MTMR6: variants seen among roughly 807,000 people sequenced by gnomAD.
MTMR6 encodes myotubularin related protein 6, also known as phosphatidylinositol-3,5-bisphosphate 3-phosphatase MTMR6.
MTMR6 carries 47 observed loss-of-function variants against 80.1 expected under a neutral mutation model. That is an observed-to-expected ratio of 0.59 (90% confidence interval 0.46 to 0.75). MTMR6 has a LOEUF of 0.75. Among genes scored for constraint, MTMR6 ranks in the 30% least tolerant of loss-of-function variants. The pLI, the probability that MTMR6 is intolerant of heterozygous loss-of-function variation, is 0.00. For synonymous variants in MTMR6, 254 were observed against 253.0 expected (o/e 1.00, Z -0.04); for missense variants, 629 against 730.9 (o/e 0.86, Z 1.61).
rs1956977863 is a variant in MTMR6 at position 25,246,296 on chromosome 13, A to G, written c.*2936T>C. The G allele has an allele frequency of 6.6e-6, 1 of 152,662 alleles. No individual in the cohort carries two copies. The highest frequency in any genetic ancestry group is 2.4e-5 in the African/African-American group (1 of 41,466). 9.5% of individuals were successfully genotyped at this position (152,662 alleles called of 1,614,324 possible). ...ATTTTCTTATATCAAGTACAATGGT[A>G]TATATACTTTTTTTTGAGATAATTA... On this transcript the variant is annotated 3_prime_UTR_variant, in exon 14 of 14. Transcript: ENST00000381801.
intron 2 of MTMR6, among the ~76,000 whole-genome samples, chr13:25,270,202 G>A (rs1208211635): frequency 6.6e-6 from 1 of 152,108 alleles, no homozygotes; most frequent in Non-Finnish European, 1.5e-5. Flanking sequence ...AAACCCAAAA[G>A]TATTTGCAGG....
At chr13:25,285,843 T>G (rs1247578684) in intron 1 of MTMR6, among the ~76,000 whole-genome samples, 2 of 152,088 alleles carry the variant, frequency 1.3e-5, no homozygotes, top group Admixed American at 1.3e-4. Context: ...CTTTTACCGG[T>G]TTTCGATTGT....
intron 1 of MTMR6, among the ~76,000 whole-genome samples, chr13:25,276,117 T>G (rs1957721602): frequency 2.0e-5 from 3 of 152,324 alleles, no homozygotes; most frequent in African/African-American, 7.2e-5. Context: ...TGTGCGTGAC[T>G]TGGCTGGAAA....
intron 7 of MTMR6, among the ~76,000 whole-genome samples, chr13:25,258,068 T>C (rs1957254335): frequency 6.6e-6 from 1 of 152,228 alleles, no homozygotes; most frequent in Admixed American, 6.5e-5. Context: ...AAAAACATTG[T>C]AGCACAAGCA....
At chr13:25,253,730 G>T (rs895859660) in intron 11 of MTMR6, 34 bp downstream of exon 11, 3 of 1,577,622 alleles carry the variant, frequency 1.9e-6, no homozygotes, top group African/African-American at 1.3e-5. Context: ...CTAAGTAGGG[G>T]GAAAAGGAGA....
At chr13:25,259,957 G>T (rs1288328588) in intron 6 of MTMR6, among the ~76,000 whole-genome samples, 1 of 152,042 alleles carries the variant, frequency 6.6e-6, no homozygotes, top group African/African-American at 2.4e-5. Flanking sequence ...TGCCTCCTGG[G>T]TTCAAGCAAT....
intron 5 of MTMR6, among the ~76,000 whole-genome samples, chr13:25,264,032 T>C (rs1957396430): frequency 6.6e-6 from 1 of 151,788 alleles, no homozygotes; most frequent in African/African-American, 2.4e-5. Context: ...ACTAAATAAA[T>C]AGAAAAAAAT....
At chr13:25,254,479 AT>A in intron 9 of MTMR6, 45 bp from the exon 10 acceptor site, 1 of 1,243,804 alleles carries the variant, frequency 8.0e-7, no homozygotes, top group Non-Finnish European at 1.2e-6. Flanking sequence ...ACTTTCAATT[AT>A]TTTGTTTAGG....
chr13:25,256,698 T>A (rs1195788191), intron 9 of MTMR6, among the ~76,000 whole-genome samples: 2 of 152,228 alleles, frequency 1.3e-5, no homozygotes, highest in African/African-American at 4.8e-5. Context: ...AGAAATTTTA[T>A]CTTCAGATAT....
In MTMR6 at chr13:25,261,727, C is replaced by T; in HGVS notation, c.667G>A (p.Ala223Thr). The T allele has an allele frequency of 3.1e-6, 5 of 1,613,868 alleles. No homozygotes were observed. Among genetic ancestry groups the T allele is most frequent in the Non-Finnish European group, 4.2e-6 (5 of 1,179,838 alleles). ...RCLEDEHLLQ[A>T]ISKANPVNRY... ...TTGACTGGATTGGCTTTACTAATGG[C>T]TTGAAGCAAATGTTCATCCTCCAGG... The change falls in exon 6 of 14, where the codon GCC becomes ACC. Residue 223 changes from alanine (A) to threonine (T), a missense_variant. By Grantham distance (58) the Ala-to-Thr change is moderately conservative. Coordinates refer to ENST00000381801, the MANE Select transcript of MTMR6 (RefSeq NM_004685.5).
chr13:25,274,470 A>C (rs1957661847), intron 1 of MTMR6, among the ~76,000 whole-genome samples: 1 of 152,196 alleles, frequency 6.6e-6, no homozygotes. Flanking sequence ...TACAGTACAA[A>C]TAAGCAAAAA....
chr13:25,270,955 G>A (rs1322463307), intron 2 of MTMR6, among the ~76,000 whole-genome samples: 1 of 152,084 alleles, frequency 6.6e-6, no homozygotes, highest in East Asian at 1.9e-4. Flanking sequence ...CCACTACTAT[G>A]TTTTACGCAC....
At chr13:25,281,569 T>C (rs1957846829) in intron 1 of MTMR6, among the ~76,000 whole-genome samples, 1 of 152,204 alleles carries the variant, frequency 6.6e-6, no homozygotes, top group South Asian at 2.1e-4. Context: ...CCAATGGCCT[T>C]CTTCAGACTT....
In MTMR6 at chr13:25,265,902, T is replaced by C; in HGVS notation, c.508A>G (p.Ser170Gly). Residue 170 changes from serine (S) to glycine (G), a missense_variant, in exon 5 of 14, where the codon AGC becomes GGC. Ser to Gly is a moderately conservative substitution (Grantham distance 56). Coordinates refer to ENST00000381801, the MANE Select transcript of MTMR6 (RefSeq NM_004685.5). ...GAACTACCAACAATTATTGGTTTGCTTGCTATCCGGGGAACATAAAGTTCT... is the reference window on the plus strand; with the variant it reads ...GAACTACCAACAATTATTGGTTTGCCTGCTATCCGGGGAACATAAAGTTCT... The part of the protein sequence containing the change: ...PRELYVPRIA[S>G]KPIIVGSSKF... The C allele has an allele frequency of 6.2e-7, 1 of 1,614,144 alleles. No homozygotes were observed. Among genetic ancestry groups the C allele is most frequent in the Non-Finnish European group, 8.5e-7 (1 of 1,179,960 alleles).
intron 2 of MTMR6, among the ~76,000 whole-genome samples, chr13:25,273,251 T>C (rs1957623093): frequency 6.6e-6 from 1 of 152,134 alleles, no homozygotes; most frequent in Admixed American, 6.5e-5. Flanking sequence ...AGGTTATATA[T>C]GCACTTATTC....
chr13:25,276,854 AT>A (rs1957738345), intron 1 of MTMR6, among the ~76,000 whole-genome samples: 1 of 152,256 alleles, frequency 6.6e-6, no homozygotes, highest in East Asian at 1.9e-4. Flanking sequence ...ACCATACATT[AT>A]TTCTTTTAAT....
In MTMR6 at chr13:25,251,600, G is replaced by A. The variant is rs1171172801; in HGVS notation, c.1605+49C>T. On this transcript the variant is annotated intron_variant, in intron 13 of 13. Transcript: ENST00000381801. This position sits in a 1 kb window ranked among gnomAD's most constrained non-coding sequence, Gnocchi z 4.1. ...CAACAATACAAATATTAGTCTAATCGTAAACTAATTTCACATTCCAAATAT... is the reference window on the plus strand; with the variant it reads ...CAACAATACAAATATTAGTCTAATCATAAACTAATTTCACATTCCAAATAT... 14 of 1,367,762 alleles carry A rather than the reference G, an allele frequency of 1.0e-5. No individual in the cohort carries two copies. Among genetic ancestry groups the A allele is most frequent in the African/African-American group, 2.0e-5 (1 of 49,480 alleles). 84.7% of individuals were successfully genotyped at this position (1,367,762 alleles called of 1,614,324 possible).
chr13:25,257,418 T>C, intron 8 of MTMR6, 97 bp from the exon 9 acceptor site: 1 of 1,365,896 alleles, frequency 7.3e-7, no homozygotes, highest in Non-Finnish European at 1.0e-6. Flanking sequence ...TACAAGGAAG[T>C]GCTATGCCTG....
At chr13:25,252,748 C>T (rs1957118196) in intron 11 of MTMR6, among the ~76,000 whole-genome samples, 1 of 152,078 alleles carries the variant, frequency 6.6e-6, no homozygotes, top group African/African-American at 2.4e-5. Flanking sequence ...AGAGTTACCT[C>T]TGTGCTCCAA....
Sources: gnomAD v4.1 joint callset for allele counts (sites outside exome capture counted in the v4.1 genomes callset) on GRCh38, gnomAD v4.1.1 for gene constraint, Gnocchi (gnomAD v3.1) non-coding constraint, MANE v1.5 for transcripts, NCBI Gene and HGNC (gene_info 2026-07-23, HGNC 2026-07-21) for gene names.